Variants in GRM7 observed in about 807,000 individuals in gnomAD.
GRM7 encodes the protein metabotropic glutamate receptor 7.
In GRM7, 35 loss-of-function variants were observed where a neutral mutation model predicts 84.5. That is an observed-to-expected ratio of 0.41 (90% CI 0.32 to 0.55). The LOEUF is 0.55. Ranked by LOEUF, GRM7 falls within the 20% of genes least tolerant of loss-of-function variation. The pLI is 0.19. For missense variants in GRM7, 1,003 were observed against 1,194.6 expected (o/e 0.84, Z 2.36); for synonymous variants, 487 against 455.1 (o/e 1.07, Z -0.89).
chr3:7,725,993 A>G (rs998085002), intron 9 of GRM7, among the ~76,000 whole-genome samples: 2 of 152,208 alleles, frequency 1.3e-5, no homozygotes, highest in Admixed American at 1.3e-4. Flanking sequence ...CATTTATTAC[A>G]TAAGGTAGGT....
intron 4 of GRM7, among the ~76,000 whole-genome samples, chr3:7,409,898 C>T (rs754155485): frequency 6.6e-6 from 1 of 152,174 alleles, no homozygotes; most frequent in Non-Finnish European, 1.5e-5. Flanking sequence ...CTGTGCCTGG[C>T]CAACTTCCCT....
At chr3:6,993,116 A>G (rs1694705885) in intron 1 of GRM7, among the ~76,000 whole-genome samples, 1 of 152,240 alleles carries the variant, frequency 6.6e-6, no homozygotes, top group South Asian at 2.1e-4. Flanking sequence ...AGATGGCAGC[A>G]GGAAAGAAAA....
intron 8 of GRM7, among the ~76,000 whole-genome samples, chr3:7,653,108 C>G (rs1399501705): frequency 6.6e-6 from 1 of 151,620 alleles, no homozygotes; most frequent in East Asian, 1.9e-4. Flanking sequence ...AACCACTCCT[C>G]TGCCCTCCAG....
intron 9 of GRM7, among the ~76,000 whole-genome samples, chr3:7,736,302 C>T (rs182614660): frequency 2.8e-4 from 43 of 152,076 alleles, no homozygotes; most frequent in Non-Finnish European, 5.3e-4. Flanking sequence ...TTTATCCTGC[C>T]CTATAGCATT....
At chr3:7,302,080 A>G (rs1444751807) in intron 3 of GRM7, among the ~76,000 whole-genome samples, 1 of 152,294 alleles carries the variant, frequency 6.6e-6, no homozygotes, top group Middle Eastern at 3.4e-3. Context: ...CTGGAAAATA[A>G]AAGTTTTTTT....
Position 6,994,273 on chromosome 3 carries a change from C to A in GRM7, c.519+132366C>A, listed in dbSNP as rs188556170. Among the ~76,000 whole-genome samples the A allele has an allele frequency of 1.2e-3, 180 of 152,172 alleles. 1 individual carries two copies. Among genetic ancestry groups the A allele is most frequent in the African/African-American group, 4.1e-3 (171 of 41,518 alleles). ...TTCAGAGACTTTGATGGTGAAGGAG[C>A]AATGTGGGTAGAGATCTACAGACCC... is the stretch of plus-strand genomic sequence containing the variant. On this transcript the variant is annotated intron_variant, in intron 1 of 9. Transcript: ENST00000357716.
chr3:6,892,421 G>A (rs1574978763), intron 1 of GRM7, among the ~76,000 whole-genome samples: 1 of 152,128 alleles, frequency 6.6e-6, no homozygotes, highest in African/African-American at 2.4e-5. Context: ...TCTTTAGTCT[G>A]CTTCTAGTTA....
intron 1 of GRM7, among the ~76,000 whole-genome samples, chr3:6,926,674 G>A (rs1697308888): frequency 6.6e-6 from 1 of 152,162 alleles, no homozygotes; most frequent in Non-Finnish European, 1.5e-5. Flanking sequence ...CCATTAGCTT[G>A]GCCTGTTTCT....
At chr3:7,508,002 A>T (rs1700087648) in intron 7 of GRM7, among the ~76,000 whole-genome samples, 2 of 152,174 alleles carry the variant, frequency 1.3e-5, no homozygotes, top group African/African-American at 4.8e-5. Flanking sequence ...GGCTTCTGAG[A>T]GCAGAAAAAG....
Position 7,306,653 on chromosome 3 carries a change from G to T in GRM7, c.1033+1G>T. The T allele has an allele frequency of 6.3e-7, 1 of 1,590,210 alleles. No homozygotes were observed. Among genetic ancestry groups the T allele is most frequent in the Non-Finnish European group, 8.6e-7 (1 of 1,167,560 alleles). On this transcript the variant is annotated splice_donor_variant, in intron 4 of 9. Transcript: ENST00000357716. LOFTEE classifies it high-confidence loss of function. ...CAGCCCAAGCGAGCCACGGTGGAAG[G>T]TATGGGTTTCATCAGCAGTAGGTTT...
At chr3:7,209,297 GT>G (rs1696343711) in intron 2 of GRM7, among the ~76,000 whole-genome samples, 1 of 152,148 alleles carries the variant, frequency 6.6e-6, no homozygotes, top group East Asian at 1.9e-4. Flanking sequence ...CTTGAATACT[GT>G]TTGAACTGTT....
At chr3:7,368,458 AT>A (rs1693999858) in intron 4 of GRM7, among the ~76,000 whole-genome samples, 1 of 152,104 alleles carries the variant, frequency 6.6e-6, no homozygotes, top group Admixed American at 6.6e-5. Context: ...ACATAATTTC[AT>A]TGATGGTAAT....
chr3:6,988,163 ATTTTTT>A (rs760807880), intron 1 of GRM7, among the ~76,000 whole-genome samples: 2 of 95,290 alleles, frequency 2.1e-5, no homozygotes, highest in Admixed American at 1.2e-4. Context: ...CGCCTGGCTA[ATTTTTT>A]TTTTTTTTTT....
chr3:6,997,965 T>C (rs1694879357), intron 1 of GRM7, among the ~76,000 whole-genome samples: 1 of 150,906 alleles, frequency 6.6e-6, no homozygotes, highest in African/African-American at 2.4e-5. Context: ...ACTAAAAATA[T>C]AAAATTAGCT....
chr3:7,280,842 C>T (rs1699229985), intron 2 of GRM7, among the ~76,000 whole-genome samples: 1 of 152,100 alleles, frequency 6.6e-6, no homozygotes, highest in Non-Finnish European at 1.5e-5. Flanking sequence ...TTTCTATCTC[C>T]TTCTTTAAAG....
chr3:7,335,794 T>G (rs1227137038), intron 4 of GRM7, among the ~76,000 whole-genome samples: 1 of 151,794 alleles, frequency 6.6e-6, no homozygotes, highest in African/African-American at 2.4e-5. Flanking sequence ...GCACACAAAC[T>G]AGAAAACCTA....
In GRM7 at chr3:7,719,279, A is replaced by G. The variant is rs556292594; in HGVS notation, c.2699-21078A>G. On this transcript the variant is annotated intron_variant, in intron 9 of 9. Transcript: ENST00000357716. ...CAAAAGTAAAATATTTCTTTATCCA[A>G]ACTCAATAATCTAGAGATAGATGGC... 7.2e-5 allele frequency among the ~76,000 whole-genome samples: 11 copies of G among 152,306 alleles called. No individual in the cohort carries two copies. In the South Asian group the frequency reaches 2.3e-3, roughly 32 times the overall value.
chr3:7,093,064 A>G (rs558781608), intron 1 of GRM7, among the ~76,000 whole-genome samples: 2 of 152,254 alleles, frequency 1.3e-5, no homozygotes, highest in South Asian at 2.1e-4. Context: ...CCCTGTCTCA[A>G]TTAAAACACC....
Position 7,165,187 on chromosome 3 carries a change from C to T in GRM7, c.736+18519C>T, listed in dbSNP as rs185491293. 3.9e-5 allele frequency among the ~76,000 whole-genome samples: 6 copies of T among 152,336 alleles called. No homozygotes were observed. In the East Asian group the frequency reaches 1.2e-3, roughly 29 times the overall value. Reference sequence around the variant, plus strand: ...TTCCTAACTTCCTCACCATCCGCAACTCTGTTTCTGGTTAACCACCCCATG... The same window carrying T: ...TTCCTAACTTCCTCACCATCCGCAATTCTGTTTCTGGTTAACCACCCCATG... On this transcript the variant is annotated intron_variant, in intron 2 of 9. Transcript: ENST00000357716.
Sources: allele counts gnomAD v4.1 joint callset (sites outside exome capture counted in the v4.1 genomes callset), GRCh38; gene constraint gnomAD v4.1.1; transcripts MANE v1.5; gene names NCBI Gene and HGNC (gene_info 2026-07-23, HGNC 2026-07-21).